ACSM1: variants seen among roughly 807,000 people sequenced by gnomAD.
The protein encoded by ACSM1 is acyl-CoA synthetase medium chain family member 1, also known as acyl-coenzyme A synthetase ACSM1, mitochondrial.
ACSM1 carries 79 observed loss-of-function variants against 75.8 expected under a neutral mutation model. That is an observed-to-expected ratio of 1.04 (90% CI 0.87 to 1.26). The LOEUF (loss-of-function observed/expected upper bound fraction) is 1.26, where lower values mean the gene tolerates loss of function less well. ACSM1 is among the 50% of genes most tolerant of loss of function. The pLI, the probability that ACSM1 is intolerant of heterozygous loss-of-function variation, is 0.00. For synonymous variants in ACSM1, 279 were observed against 265.8 expected, an observed-to-expected ratio of 1.05 and a Z score of -0.48; for missense variants, 676 against 720.1, an observed-to-expected ratio of 0.94 and a Z score of 0.70.
intron 7 of ACSM1, among the ~76,000 whole-genome samples, chr16:20,659,744 G>C (rs2019196814): frequency 6.6e-6 from 1 of 152,048 alleles, no homozygotes; most frequent in South Asian, 2.1e-4. Context: ...CCCCTTTTAA[G>C]TCCGATAAGA....
chr16:20,630,921 A>G (rs746750962), intron 10 of ACSM1, among the ~76,000 whole-genome samples: 1 of 152,266 alleles, frequency 6.6e-6, no homozygotes, highest in Non-Finnish European at 1.5e-5. Context: ...ACTCTTAACT[A>G]ACCAATGAAT....
chr16:20,659,185 A>G (rs2019161671), intron 7 of ACSM1, among the ~76,000 whole-genome samples: 1 of 152,120 alleles, frequency 6.6e-6, no homozygotes, highest in South Asian at 2.1e-4. Flanking sequence ...CTTAAACTCC[A>G]GGTCTTCCCC....
chr16:20,696,396 T>C (rs1324622047), intron 1 of ACSM1, among the ~76,000 whole-genome samples: 2 of 152,226 alleles, frequency 1.3e-5, no homozygotes, highest in Non-Finnish European at 2.9e-5. Context: ...ACATAGTAAG[T>C]GCTCAACAAA....
At chr16:20,665,678 A>G (rs992223342) in intron 6 of ACSM1, among the ~76,000 whole-genome samples, 2 of 152,138 alleles carry the variant, frequency 1.3e-5, no homozygotes, top group African/African-American at 4.8e-5. Context: ...CAGAGATACA[A>G]TGACAAAAGA....
chr16:20,685,826 AAAAAACAAACAAAAAAAAAAC>A (rs200822513), intron 2 of ACSM1, among the ~76,000 whole-genome samples: 10,121 of 127,850 alleles, frequency 0.079, 1,176 homozygotes, highest in East Asian at 0.21. Flanking sequence ...TCTCAAAAAA[AAAAAACAAACAAAAAAAAAAC>A]AAAAAACTTA....
chr16:20,637,909 CCT>C lies in ACSM1; in HGVS notation c.1117-460_1117-459del, dbSNP rs567479625. 1.2e-4 allele frequency among the ~76,000 whole-genome samples: 19 copies of C among 152,242 alleles called. 1 individual carries two copies. In the South Asian group the frequency reaches 1.9e-3, roughly 15 times the overall value. On this transcript the variant is annotated intron_variant, in intron 8 of 13. Transcript: ENST00000520010. ...ACTGATCCTGATGCCAACTTTTCCCCCTGTGTTGGGTGGCAGAATGTTGCCTT... is the reference window on the plus strand; with the variant it reads ...ACTGATCCTGATGCCAACTTTTCCCCGTGTTGGGTGGCAGAATGTTGCCTT...
At chr16:20,641,548 AT>A (rs1225175556) in intron 7 of ACSM1, among the ~76,000 whole-genome samples, 1 of 152,222 alleles carries the variant, frequency 6.6e-6, no homozygotes, top group Non-Finnish European at 1.5e-5. Context: ...ACAGGTGTTC[AT>A]CATGCACCTG....
chr16:20,633,300 T>C (rs1294907537), intron 10 of ACSM1, among the ~76,000 whole-genome samples: 3 of 152,166 alleles, frequency 2.0e-5, no homozygotes, highest in African/African-American at 7.2e-5. Context: ...TTAAAGCTAA[T>C]ACATAAATTC....
At chr16:20,683,126 A>T (rs575108839) in intron 3 of ACSM1, among the ~76,000 whole-genome samples, 43 of 148,346 alleles carry the variant, frequency 2.9e-4, no homozygotes, top group African/African-American at 9.7e-4. Context: ...TTATTTATTT[A>T]TTTTTTTTTA....
intron 10 of ACSM1, among the ~76,000 whole-genome samples, chr16:20,627,885 TATA>T (rs2017074782): frequency 5.1e-5 from 1 of 19,716 alleles, no homozygotes; most frequent in Non-Finnish European, 1.5e-4. Flanking sequence ...TATATATATA[TATA>T]TATATATATA....
intron 7 of ACSM1, among the ~76,000 whole-genome samples, chr16:20,643,964 A>G (rs528236455): frequency 6.6e-6 from 1 of 151,890 alleles, no homozygotes; most frequent in African/African-American, 2.4e-5. Flanking sequence ...TGCTTTGACA[A>G]TCTTTTAGCT....
intron 8 of ACSM1, among the ~76,000 whole-genome samples, chr16:20,638,268 T>A (rs185349989): frequency 6.6e-6 from 1 of 152,194 alleles, no homozygotes; most frequent in East Asian, 1.9e-4. Context: ...ATATGGAAAA[T>A]TCTGCATAAT....
chr16:20,655,951 G>T (rs2018936066), intron 7 of ACSM1, among the ~76,000 whole-genome samples: 1 of 152,120 alleles, frequency 6.6e-6, no homozygotes, highest in South Asian at 2.1e-4. Flanking sequence ...ATGAGTCACT[G>T]TGCCTGGCTG....
chr16:20,640,490 G>A lies in ACSM1; in HGVS notation c.1087C>T (p.Leu363Phe). ...TCCGACTGCCCATAGTTCTCGTAGAGCAGAAGGCCCGTCCGTCTTTTCCAC... is the reference window on the plus strand; with the variant it reads ...TCCGACTGCCCATAGTTCTCGTAGAACAGAAGGCCCGTCCGTCTTTTCCAC... ...EEWKRRTGLL[L>F]YENYGQSETG... Residue 363 changes from leucine (L) to phenylalanine (F), a missense_variant, in exon 8 of 14, where the codon CTC becomes TTC. Leu to Phe is a conservative substitution (Grantham distance 22). Transcript: ENST00000520010. 3 of 1,614,152 alleles carry A rather than the reference G, an allele frequency of 1.9e-6. No homozygotes were observed.
chr16:20,688,842 T>G (rs1399181871), intron 2 of ACSM1, among the ~76,000 whole-genome samples: 1 of 151,870 alleles, frequency 6.6e-6, no homozygotes, highest in African/African-American at 2.4e-5. Context: ...CTCTTGTAAA[T>G]ATAAATTCAT....
At chr16:20,670,719 T>A (rs1325692820) in intron 5 of ACSM1, among the ~76,000 whole-genome samples, 1 of 152,192 alleles carries the variant, frequency 6.6e-6, no homozygotes, top group African/African-American at 2.4e-5. Context: ...TGAATACTAC[T>A]TTTTATATCT....
chr16:20,674,452 C>A (rs111590267), intron 4 of ACSM1: 18 of 157,262 alleles, frequency 1.1e-4, no homozygotes, highest in Non-Finnish European at 2.4e-4. Flanking sequence ...TCCCTCCCCC[C>A]TCTCCACCCC....
chr16:20,661,275 C>T (rs1281709019), intron 7 of ACSM1, among the ~76,000 whole-genome samples: 2 of 152,076 alleles, frequency 1.3e-5, no homozygotes, highest in Non-Finnish European at 2.9e-5. Context: ...CTTAGAAACA[C>T]AATTATTATA....
chr16:20,642,729 A>G (rs1322700325), intron 7 of ACSM1, among the ~76,000 whole-genome samples: 1 of 152,254 alleles, frequency 6.6e-6, no homozygotes, highest in Non-Finnish European at 1.5e-5. Context: ...GTAATAGATC[A>G]AGATGAAAAT....
Sources: allele counts gnomAD v4.1 joint callset (sites outside exome capture counted in the v4.1 genomes callset), GRCh38; gene constraint gnomAD v4.1.1; transcripts MANE v1.5; gene names NCBI Gene and HGNC (gene_info 2026-07-23, HGNC 2026-07-21).